The following PTPRG variants were observed in gnomAD, a reference collection of about 807,000 sequenced individuals.
The protein encoded by PTPRG is receptor-type tyrosine-protein phosphatase gamma.
A neutral mutation model predicts 165.3 loss-of-function variants in PTPRG; 102 were observed. The observed-to-expected ratio is 0.62, with a 90% CI of 0.53 to 0.73. PTPRG has a LOEUF of 0.73. Among genes scored for constraint, PTPRG ranks in the 30% least tolerant of loss-of-function variants. PTPRG has a pLI of 0.00. For missense variants in PTPRG, 1,866 were observed against 1,861.4 expected, an observed-to-expected ratio of 1.00 and a Z score of -0.05; for synonymous variants, 675 against 669.5, an observed-to-expected ratio of 1.01 and a Z score of -0.13.
chr3:61,807,756 AT>A (rs57802034), intron 2 of PTPRG, among the ~76,000 whole-genome samples: 4 of 151,340 alleles, frequency 2.6e-5, no homozygotes, highest in African/African-American at 4.8e-5. Flanking sequence ...TATTGGGATG[AT>A]TTTTTTTTGC....
intron 2 of PTPRG, among the ~76,000 whole-genome samples, chr3:61,936,640 G>C (rs1394227628): frequency 6.6e-6 from 1 of 152,164 alleles, no homozygotes; most frequent in Non-Finnish European, 1.5e-5. Flanking sequence ...TAGCTGTGTA[G>C]CTCCAATTTT....
At chr3:61,838,823 T>C (rs2036541718) in intron 2 of PTPRG, among the ~76,000 whole-genome samples, 1 of 152,238 alleles carries the variant, frequency 6.6e-6, no homozygotes, top group African/African-American at 2.4e-5. Flanking sequence ...TTGTCTTATG[T>C]TTCTGTAAAT....
Position 61,764,578 on chromosome 3 carries a change from CCT to C in PTPRG, c.190+15601_190+15602del, listed in dbSNP as rs1456825962. Among the ~76,000 whole-genome samples, 6 of 152,240 alleles carry C rather than the reference CCT, an allele frequency of 3.9e-5. No homozygotes were observed. The East Asian group carries it at 1.2e-3, about 29-fold the overall frequency. On this transcript the variant is annotated intron_variant, in intron 2 of 29. Coordinates refer to ENST00000474889, the MANE Select transcript of PTPRG (RefSeq NM_002841.4). ...GAGTTGTTATTTTAGCCTGGGAAGA[CCT>C]CTCTGATCAGGTGATACTTGAGCAG...
At chr3:61,684,181 A>G (rs1245651000) in intron 1 of PTPRG, among the ~76,000 whole-genome samples, 1 of 152,176 alleles carries the variant, frequency 6.6e-6, no homozygotes, top group African/African-American at 2.4e-5. Context: ...CCTTCTGAGT[A>G]GTAAGGTGGT....
In PTPRG at chr3:62,271,466, TC is replaced by T; in HGVS notation, c.3096del (p.Glu1033SerfsTer7). On this transcript the variant is annotated frameshift_variant, in exon 21 of 30. Coordinates refer to ENST00000474889, the MANE Select transcript of PTPRG (RefSeq NM_002841.4). LOFTEE classifies it high-confidence loss of function. This position sits in a 1 kb window ranked among gnomAD's most constrained non-coding sequence, Gnocchi z 4.1. ...ATACACAGTGGCCTGACATGGGAGTTCCCGAGTATGCCCTTCCAGTACTGAC... is the reference window on the plus strand; with the variant it reads ...ATACACAGTGGCCTGACATGGGAGTTCCGAGTATGCCCTTCCAGTACTGAC... ...HYTQWPDMGV[P>X]EYALPVLTFV... 6.2e-7 allele frequency: 1 copy of T among 1,613,958 alleles called. No individual in the cohort carries two copies. Among genetic ancestry groups the T allele is most frequent in the Non-Finnish European group, 8.5e-7 (1 of 1,179,832 alleles).
chr3:61,843,910 A>G (rs532604213), intron 2 of PTPRG, among the ~76,000 whole-genome samples: 12 of 151,192 alleles, frequency 7.9e-5, no homozygotes, highest in Non-Finnish European at 1.2e-4. Context: ...GTAAAATAAT[A>G]TTATAGTTTA....
At chr3:62,109,316 G>T (rs1396830880) in intron 5 of PTPRG, among the ~76,000 whole-genome samples, 1 of 152,098 alleles carries the variant, frequency 6.6e-6, no homozygotes, top group African/African-American at 2.4e-5. Flanking sequence ...TTTCCCCATT[G>T]CTTGTGTGTG....
intron 2 of PTPRG, among the ~76,000 whole-genome samples, chr3:61,800,165 G>A (rs889252940): frequency 2.6e-5 from 4 of 152,154 alleles, no homozygotes; most frequent in Admixed American, 6.5e-5. Context: ...CCATCAGCTC[G>A]TTGTGGGGTG....
chr3:61,770,988 T>C (rs1025913741), intron 2 of PTPRG: 2 of 152,224 alleles, frequency 1.3e-5, no homozygotes, highest in African/African-American at 2.4e-5. Flanking sequence ...TTATCCTTTC[T>C]TCTGGCTCTT....
At chr3:61,839,854 A>AT (rs2036573915) in intron 2 of PTPRG, among the ~76,000 whole-genome samples, 1 of 152,026 alleles carries the variant, frequency 6.6e-6, no homozygotes, top group Non-Finnish European at 1.5e-5. Context: ...CCTACACAGC[A>AT]TTTTTTGTCG....
At chr3:61,845,796 TGTCAGAG>T (rs757980614) in intron 2 of PTPRG, among the ~76,000 whole-genome samples, 6 of 152,232 alleles carry the variant, frequency 3.9e-5, no homozygotes, top group African/African-American at 7.2e-5. Flanking sequence ...CGAAATCAAA[TGTCAGAG>T]GTTCAGGGAG....
At chr3:62,196,347 G>A (rs991486411) in intron 10 of PTPRG, among the ~76,000 whole-genome samples, 14 of 152,110 alleles carry the variant, frequency 9.2e-5, no homozygotes, top group Non-Finnish European at 1.9e-4. Flanking sequence ...AGGTTGCAGT[G>A]AGCTGAGATC....
intron 4 of PTPRG, among the ~76,000 whole-genome samples, chr3:62,030,217 T>C (rs1312970325): frequency 6.6e-6 from 1 of 151,066 alleles, no homozygotes; most frequent in Non-Finnish European, 1.5e-5. Context: ...TTTTTTAACT[T>C]AAGTCAGTTC....
chr3:61,565,715 A>G (rs1228016920), intron 1 of PTPRG, among the ~76,000 whole-genome samples: 1 of 149,726 alleles, frequency 6.7e-6, no homozygotes, highest in Admixed American at 6.7e-5. Flanking sequence ...GCCATTGGAA[A>G]CAGTTCAGAT....
chr3:61,938,751 A>C (rs2107601036), intron 2 of PTPRG, among the ~76,000 whole-genome samples: 1 of 152,310 alleles, frequency 6.6e-6, no homozygotes, highest in Middle Eastern at 3.4e-3. Context: ...GGAAAATGAA[A>C]ATTTTCATTA....
At chr3:61,870,317 CTTT>C (rs10642619) in intron 2 of PTPRG, among the ~76,000 whole-genome samples, 2 of 136,350 alleles carry the variant, frequency 1.5e-5, no homozygotes, top group Non-Finnish European at 3.2e-5. Context: ...AAAAATTATT[CTTT>C]TTTTTTTTTT....
rs770665270 is a variant in PTPRG at position 61,562,271 on chromosome 3, G to A, written c.-17G>A. On this transcript the variant is annotated 5_prime_UTR_variant, in exon 1 of 30. Transcript: ENST00000474889. Reference sequence around the variant, plus strand: ...TTTACCTCCCTGCTTTCCTCTTTTCGATGTGCGTTTTCGGACATGCGGAGG... The same window carrying A: ...TTTACCTCCCTGCTTTCCTCTTTTCAATGTGCGTTTTCGGACATGCGGAGG... The A allele has an allele frequency of 1.2e-6, 2 of 1,611,078 alleles. No individual in the cohort carries two copies. The highest frequency in any genetic ancestry group is 1.3e-5 in the African/African-American group (1 of 74,860).
chr3:62,221,869 G>A (rs1195398733), intron 13 of PTPRG, among the ~76,000 whole-genome samples: 1 of 152,222 alleles, frequency 6.6e-6, no homozygotes, highest in African/African-American at 2.4e-5. Context: ...CTACACTCAA[G>A]GTCTCTGAAT....
At chr3:62,021,293 C>T (rs981035389) in intron 4 of PTPRG, among the ~76,000 whole-genome samples, 5 of 152,146 alleles carry the variant, frequency 3.3e-5, no homozygotes, top group Admixed American at 3.3e-4. Context: ...ATCACAGCTA[C>T]TTAGATCATA....
Sources: allele counts gnomAD v4.1 joint callset (sites outside exome capture counted in the v4.1 genomes callset), GRCh38; gene constraint gnomAD v4.1.1; non-coding constraint Gnocchi (gnomAD v3.1); transcripts MANE v1.5; gene names NCBI Gene and HGNC (gene_info 2026-07-23, HGNC 2026-07-21).